Variants in PLB1 observed in about 807,000 individuals in gnomAD.
The protein encoded by PLB1 is phospholipase B1, also known as phospholipase B1, membrane-associated.
Under a neutral mutation model 227.4 loss-of-function variants are expected in PLB1, and 242 were observed. The observed-to-expected ratio is 1.06, with a 90% CI of 0.96 to 1.18. The LOEUF (loss-of-function observed/expected upper bound fraction) is 1.18. Ranked by LOEUF, PLB1 falls within the 50% of genes most tolerant of loss-of-function variation. PLB1 has a pLI of 0.00. For synonymous variants in PLB1, 757 were observed against 682.2 expected, an observed-to-expected ratio of 1.11 and a Z score of -1.71; for missense variants, 1,858 against 1,816.3, an observed-to-expected ratio of 1.02 and a Z score of -0.42.
intron 57 of PLB1, among the ~76,000 whole-genome samples, chr2:28,641,508 T>G (rs924089614): frequency 6.6e-6 from 1 of 152,148 alleles, no homozygotes; most frequent in Admixed American, 6.5e-5. Context: ...CTCAGGAGGC[T>G]GAGGCAGGAG....
At chr2:28,590,530 G>A (rs1681726323) in intron 29 of PLB1, among the ~76,000 whole-genome samples, 1 of 152,126 alleles carries the variant, frequency 6.6e-6, no homozygotes, top group Non-Finnish European at 1.5e-5. Flanking sequence ...TTGGAAGCTG[G>A]AGCTAGGGAA....
At chr2:28,545,381 C>T (rs866917688) in intron 14 of PLB1, among the ~76,000 whole-genome samples, 1 of 152,296 alleles carries the variant, frequency 6.6e-6, no homozygotes, top group African/African-American at 2.4e-5. Context: ...AATGCCAGAC[C>T]ATCCCACAGT....
At position 28,518,506 on chromosome 2, in the gene PLB1, T is replaced by G. The variant is rs1669122014; in HGVS notation, c.158T>G (p.Leu53Ter). The G allele has an allele frequency of 3.1e-6, 5 of 1,613,068 alleles. No homozygotes were observed. The South Asian group carries it at 3.3e-5, about 11-fold the overall frequency. Residue 53 changes from leucine to a stop codon, truncating the protein, a stop_gained, in exon 3 of 58, where the codon TTA becomes TGA. Transcript: ENST00000327757. LOFTEE classifies it high-confidence loss of function. ...CCATTCCCATGCAACCCAAATAAAT[T>G]AGGAGTGAATATGCCTTCTAAATCA... Reference protein sequence around the residue: ...NSPFPCNPNKLGVNMPSKSVH... With the variant: ...NSPFPCNPNK
intron 32 of PLB1, 138 bp from the exon 33 acceptor site, chr2:28,593,543 C>A: frequency 1.4e-6 from 1 of 695,996 alleles, no homozygotes; most frequent in Non-Finnish European, 2.5e-6. Context: ...AGACTTAGAG[C>A]CAGGGGCTCC....
intron 54 of PLB1, among the ~76,000 whole-genome samples, 173 bp downstream of exon 54, chr2:28,630,837 G>A (rs1283259894): frequency 6.6e-6 from 1 of 152,168 alleles, no homozygotes; most frequent in Non-Finnish European, 1.5e-5. Context: ...CCAGGGAAGG[G>A]AGTGAGAGAC....
At position 28,643,158 on chromosome 2, in the gene PLB1, C is replaced by T; in HGVS notation, c.*97C>T. On this transcript the variant is annotated 3_prime_UTR_variant, in exon 58 of 58. Coordinates refer to ENST00000327757, the MANE Select transcript of PLB1 (RefSeq NM_153021.5). ...CGGCCACCAGGACATGCTTCAATGCCTGGTGCCATAGGAAGCCCAGGGGAC... is the reference window on the plus strand; with the variant it reads ...CGGCCACCAGGACATGCTTCAATGCTTGGTGCCATAGGAAGCCCAGGGGAC... The T allele has an allele frequency of 8.0e-7, 1 of 1,247,184 alleles. No individual in the cohort carries two copies. The highest frequency in any genetic ancestry group is 1.1e-6 in the Non-Finnish European group (1 of 916,590). The allele number at this position is 1,247,184 out of a possible 1,614,324, so 77.3% of individuals were successfully genotyped here. A position where few individuals can be genotyped will look rare whatever the true frequency, so the allele number is the denominator to read the frequency against.
chr2:28,612,942 C>T (rs1685684927), intron 43 of PLB1, among the ~76,000 whole-genome samples: 1 of 148,934 alleles, frequency 6.7e-6, no homozygotes, highest in African/African-American at 2.5e-5. Flanking sequence ...TTTATTGAAA[C>T]AGAGTCTCAC....
intron 25 of PLB1, 54 bp downstream of exon 25, chr2:28,582,559 G>A (rs966924720): frequency 7.3e-7 from 1 of 1,363,700 alleles, no homozygotes; most frequent in African/African-American, 1.4e-5. Context: ...GCTAAGGGCA[G>A]TGGCACCCTT....
At chr2:28,563,658 G>A (rs756312872) in intron 18 of PLB1, among the ~76,000 whole-genome samples, 1 of 151,976 alleles carries the variant, frequency 6.6e-6, no homozygotes, top group Non-Finnish European at 1.5e-5. Context: ...TCTGCCCCCG[G>A]GTGACATCCC....
At chr2:28,613,034 T>G in intron 43 of PLB1, among the ~76,000 whole-genome samples, 1 of 152,084 alleles carries the variant, frequency 6.6e-6, no homozygotes, top group Admixed American at 6.5e-5. Context: ...ATCCTTCTGC[T>G]TCAGCCTCTT....
intron 53 of PLB1, 149 bp downstream of exon 53, chr2:28,629,334 C>A (rs1375585920): frequency 3.3e-6 from 2 of 606,768 alleles, no homozygotes; most frequent in Non-Finnish European, 2.8e-6. Context: ...TCAGGAAGTA[C>A]CTCTACATTT....
intron 56 of PLB1, among the ~76,000 whole-genome samples, chr2:28,639,696 C>T (rs1483010446): frequency 1.3e-5 from 2 of 152,328 alleles, no homozygotes; most frequent in East Asian, 1.9e-4. Flanking sequence ...GGAATAGCAT[C>T]GGGAATCAGC....
intron 1 of PLB1, among the ~76,000 whole-genome samples, chr2:28,515,503 C>T (rs1028687226): frequency 6.6e-6 from 1 of 152,174 alleles, no homozygotes; most frequent in African/African-American, 2.4e-5. Flanking sequence ...GGAATCGCTG[C>T]GATCTGGAGG....
intron 16 of PLB1, 49 bp from the exon 17 acceptor site, chr2:28,552,879 C>T (rs940324407): frequency 2.4e-5 from 37 of 1,525,838 alleles, no homozygotes; most frequent in Non-Finnish European, 3.2e-5. Flanking sequence ...CACCCATTTC[C>T]AGTTTAGAAA....
intron 4 of PLB1, among the ~76,000 whole-genome samples, chr2:28,520,598 A>G (rs1669398966): frequency 6.6e-6 from 1 of 152,260 alleles, no homozygotes; most frequent in African/African-American, 2.4e-5. Context: ...ATGAAATAAC[A>G]TCTCATTCTC....
At chr2:28,595,395 TAG>T (rs1422763646) in intron 33 of PLB1, 2 of 152,172 alleles carry the variant, frequency 1.3e-5, no homozygotes, top group Non-Finnish European at 2.9e-5. Context: ...GTAGAATACA[TAG>T]ACTACTGTGT....
chr2:28,597,263 C>CAAAA lies in PLB1; in HGVS notation c.2322-742_2322-741insAAAA, dbSNP rs1553448752. On this transcript the variant is annotated intron_variant, in intron 33 of 57. Coordinates refer to ENST00000327757, the MANE Select transcript of PLB1 (RefSeq NM_153021.5). ...TGGGCGACAGAGCAAGACTCCGTCT[C>CAAAA]GAAAAAAAAAAAAAAAAAAATCCAT... Among the ~76,000 whole-genome samples, 39 of 103,626 alleles carry CAAAA rather than the reference C, an allele frequency of 3.8e-4. 1 individual carries two copies. The highest frequency in any genetic ancestry group is 1.3e-3 in the African/African-American group (38 of 29,410). 68.0% of individuals were successfully genotyped at this position (103,626 alleles called of 152,430 possible). A position where few individuals can be genotyped will look rare whatever the true frequency, so the allele number is the denominator to read the frequency against.
intron 4 of PLB1, among the ~76,000 whole-genome samples, chr2:28,520,706 C>G (rs1228541753): frequency 6.6e-6 from 1 of 152,142 alleles, no homozygotes; most frequent in Non-Finnish European, 1.5e-5. Flanking sequence ...GGTGTGGTGG[C>G]TCACACCTGT....
At chr2:28,507,657 C>T (rs1477069391) in intron 1 of PLB1, among the ~76,000 whole-genome samples, 7 of 152,100 alleles carry the variant, frequency 4.6e-5, no homozygotes, top group African/African-American at 1.4e-4. Flanking sequence ...GTAAGGCATC[C>T]CCTTGTCTGA....
Sources: allele counts gnomAD v4.1 joint callset (sites outside exome capture counted in the v4.1 genomes callset), GRCh38; gene constraint gnomAD v4.1.1; transcripts MANE v1.5; gene names NCBI Gene and HGNC (gene_info 2026-07-23, HGNC 2026-07-21).